NDOR1: variants seen among roughly 807,000 people sequenced by gnomAD.
The protein encoded by NDOR1 is NADPH dependent diflavin oxidoreductase 1, also known as NADPH-dependent diflavin oxidoreductase 1.
Under a neutral mutation model 67.2 loss-of-function variants are expected in NDOR1, and 61 were observed. That is an observed-to-expected ratio of 0.91 (90% confidence interval 0.74 to 1.12). NDOR1 has a LOEUF of 1.12. Among genes scored for constraint, NDOR1 ranks in the 50% most tolerant of loss-of-function variants. NDOR1 has a pLI of 0.00. For missense variants in NDOR1, 878 were observed against 802.8 expected, an observed-to-expected ratio of 1.09 and a Z score of -1.13; for synonymous variants, 378 against 343.7, an observed-to-expected ratio of 1.10 and a Z score of -1.10.
rs374198161 is a variant in NDOR1 at position 137,216,442 on chromosome 9, T to C, written c.*26T>C. The C allele has an allele frequency of 8.5e-4, 1,341 of 1,584,068 alleles. No homozygotes were observed. The highest frequency in any genetic ancestry group is 1.0e-3 in the Non-Finnish European group (1,210 of 1,168,186). ...GGCCCGCGGCTGCCCGTGCCCCCTCTGACAGCCATCCTCCTGGGAGCCCAG... is the reference window on the plus strand; with the variant it reads ...GGCCCGCGGCTGCCCGTGCCCCCTCCGACAGCCATCCTCCTGGGAGCCCAG... On this transcript the variant is annotated 3_prime_UTR_variant, in exon 14 of 14. Transcript: ENST00000684003.
intron 2 of NDOR1, among the ~76,000 whole-genome samples, chr9:137,207,542 C>G (rs1026070209): frequency 6.6e-5 from 10 of 151,900 alleles, no homozygotes; most frequent in African/African-American, 2.4e-4. Context: ...GGAAGCTCCT[C>G]TCTCCCCACA....
Position 137,211,537 on chromosome 9 carries a change from G to A in NDOR1, c.214-965G>A, listed in dbSNP as rs142451070. On this transcript the variant is annotated intron_variant, in intron 2 of 13. Coordinates refer to ENST00000684003, the MANE Select transcript of NDOR1 (RefSeq NM_014434.4). ...TGTTCTCTCCAGAACCCTTTTCTCG[G>A]GAAGGAGGAAGTTCACCAAACGGAG... Among the ~76,000 whole-genome samples the A allele has an allele frequency of 4.8e-3, 728 of 152,260 alleles. 5 individuals carry two copies. The highest frequency in any genetic ancestry group is 0.016 in the African/African-American group (669 of 41,542).
rs776353936 is a variant in NDOR1, at chr9:137,216,434, G to A, written c.*18G>A. ...GGGCCTGAGGCCCGCGGCTGCCCGT[G>A]CCCCCTCTGACAGCCATCCTCCTGG... On this transcript the variant is annotated 3_prime_UTR_variant, in exon 14 of 14. Coordinates refer to ENST00000684003, the MANE Select transcript of NDOR1 (RefSeq NM_014434.4). 3.8e-6 allele frequency: 6 copies of A among 1,589,184 alleles called. No individual in the cohort carries two copies. In the Admixed American group the frequency reaches 6.8e-5, roughly 18 times the overall value.
rs994079818 is a variant in NDOR1, at chr9:137,218,960, A to C, written c.*2544A>C. On this transcript the variant is annotated 3_prime_UTR_variant, in exon 14 of 14. Transcript: ENST00000684003. ...CTGGCCACGGGCTGACGCCGGCCAC[A>C]CTTCCCCTCCGAGGGCCAGCTGAGC... 1.6e-5 allele frequency: 4 copies of C among 248,674 alleles called. No individual in the cohort carries two copies. The Admixed American group carries it at 2.2e-4, about 14-fold the overall frequency. 15.4% of individuals were successfully genotyped at this position (248,674 alleles called of 1,614,324 possible). A position where few individuals can be genotyped will look rare whatever the true frequency, so the allele number is the denominator to read the frequency against.
rs1835706772 is a variant in NDOR1 at position 137,217,984 on chromosome 9, G to A, written c.*1568G>A. 1 of 398,868 alleles carries A rather than the reference G, an allele frequency of 2.5e-6. No individual in the cohort carries two copies. Among genetic ancestry groups the A allele is most frequent in the South Asian group, 1.3e-4 (1 of 7,872 alleles). The allele number at this position is 398,868 out of a possible 1,614,324, so 24.7% of individuals were successfully genotyped here. A position where few individuals can be genotyped will look rare whatever the true frequency, so the allele number is the denominator to read the frequency against. On this transcript the variant is annotated 3_prime_UTR_variant, in exon 14 of 14. Coordinates refer to ENST00000684003, the MANE Select transcript of NDOR1 (RefSeq NM_014434.4). ...AGACTACAGCCAGTGAGCCCCTGCTGGGGGCCAAAGCCATGGAGGGTGCCT... is the reference window on the plus strand; with the variant it reads ...AGACTACAGCCAGTGAGCCCCTGCTAGGGGCCAAAGCCATGGAGGGTGCCT...
chr9:137,216,058 C>T, intron 12 of NDOR1, 36 bp from the exon 13 acceptor site: 1 of 1,613,350 alleles, frequency 6.2e-7, no homozygotes, highest in Non-Finnish European at 8.5e-7. Context: ...GGAGGGAGCT[C>T]CGGCTCAGCC....
At chr9:137,211,082 G>A (rs917652938) in intron 2 of NDOR1, among the ~76,000 whole-genome samples, 16 of 152,120 alleles carry the variant, frequency 1.1e-4, no homozygotes, top group Non-Finnish European at 1.8e-4. Context: ...CGGAGGTTGC[G>A]GTGAGCTGAG....
In NDOR1 at chr9:137,214,690, A is replaced by G. The variant is rs751254154; in HGVS notation, c.843A>G (p.Pro281=). 5.6e-6 allele frequency: 9 copies of G among 1,602,464 alleles called. No homozygotes were observed. In the South Asian group the frequency reaches 9.9e-5, roughly 18 times the overall value. The change falls in exon 7 of 14, where the codon CCA becomes CCG. Residue 281 remains proline (P), a splice_region_variant and synonymous_variant. Transcript: ENST00000684003. The part of the protein sequence containing the change: ...DQLFMLQPRE[P]DVSSPTRLPQ... Reference sequence around the variant, plus strand: ...TCTTCATGCTGCAGCCGCGGGAGCCAGGTGAGCCCAGCCTCGGCCACCCTG... The same window carrying G: ...TCTTCATGCTGCAGCCGCGGGAGCCGGGTGAGCCCAGCCTCGGCCACCCTG...
At position 137,214,082 on chromosome 9, in the gene NDOR1, C is replaced by A; in HGVS notation, c.512+14C>A. 1 of 1,535,132 alleles carries A rather than the reference C, an allele frequency of 6.5e-7. No homozygotes were observed. ...TCCCGGAGTCCCGTGAGTGTGGGCC[C>A]CGGGTCACCCACAGGCGCAGCAGAC... On this transcript the variant is annotated intron_variant, in intron 5 of 13. Transcript: ENST00000684003.
intron 2 of NDOR1, among the ~76,000 whole-genome samples, chr9:137,209,514 G>C (rs1323747371): frequency 3.3e-5 from 5 of 152,194 alleles, no homozygotes; most frequent in Non-Finnish European, 7.3e-5. Flanking sequence ...CCACAGAGAA[G>C]ACCAGGAGTT....
At chr9:137,206,459 G>A in intron 2 of NDOR1, 150 bp downstream of exon 2, 1 of 813,144 alleles carries the variant, frequency 1.2e-6, no homozygotes, top group Admixed American at 2.1e-5. Context: ...GTGGGGCTGG[G>A]GGCTCCGGTT....
At position 137,214,539 on chromosome 9, in the gene NDOR1, C is replaced by A. The variant is rs746556804; in HGVS notation, c.723-31C>A. The A allele has an allele frequency of 8.7e-6, 14 of 1,610,466 alleles. No homozygotes were observed. In the East Asian group the frequency reaches 3.1e-4, roughly 36 times the overall value. On this transcript the variant is annotated intron_variant, in intron 6 of 13. Transcript: ENST00000684003. The stretch of plus-strand genomic sequence containing the variant: ...GGCCCCGACATCCTCCCTGCGGCGT[C>A]CCCACAGCCCTGGTGGCTTCTTCCA...
In NDOR1 at chr9:137,214,325, C is replaced by T. The variant is rs760537913; in HGVS notation, c.634C>T (p.Pro212Ser). Reference protein sequence around the residue: ...PPSESKPFLAPMISNQRVTGP... With the variant: ...PPSESKPFLASMISNQRVTGP... Reference sequence around the variant, plus strand: ...GTCAGAGTCGAAGCCCTTCCTAGCACCCATGATCTCCAACCAGAGAGTCAC... The same window carrying T: ...GTCAGAGTCGAAGCCCTTCCTAGCATCCATGATCTCCAACCAGAGAGTCAC... The change falls in exon 6 of 14, where the codon CCC (proline) becomes TCC (serine). Residue 212 changes from proline to serine, a missense_variant. By Grantham distance (74) the Pro-to-Ser change is moderately conservative. Transcript: ENST00000684003. The T allele has an allele frequency of 2.8e-5, 45 of 1,614,186 alleles. No individual in the cohort carries two copies. The highest frequency in any genetic ancestry group is 3.7e-5 in the Non-Finnish European group (44 of 1,180,044).
At chr9:137,215,844 G>C (rs762856132) in intron 11 of NDOR1, 39 bp downstream of exon 11, 1 of 1,608,362 alleles carries the variant, frequency 6.2e-7, no homozygotes, top group Admixed American at 1.7e-5. Context: ...TGTTGCCAGG[G>C]CTCCCCAGCT....
At position 137,218,428 on chromosome 9, in the gene NDOR1, C is replaced by T. The variant is rs1835735817; in HGVS notation, c.*2012C>T. 7 of 398,474 alleles carry T rather than the reference C, an allele frequency of 1.8e-5. No homozygotes were observed. The highest frequency in any genetic ancestry group is 1.8e-5 in the Non-Finnish European group (4 of 226,044). 24.7% of individuals were successfully genotyped at this position (398,474 alleles called of 1,614,324 possible). A position where few individuals can be genotyped will look rare whatever the true frequency, so the allele number is the denominator to read the frequency against. On this transcript the variant is annotated 3_prime_UTR_variant, in exon 14 of 14. Transcript: ENST00000684003. ...GCCGGGGCTGCCTGCCCTTCCTGCC[C>T]TGTCCACCCTGCCTGGGTGCCCGGC...
At chr9:137,209,886 G>A (rs2131367343) in intron 2 of NDOR1, among the ~76,000 whole-genome samples, 1 of 152,378 alleles carries the variant, frequency 6.6e-6, no homozygotes, top group South Asian at 2.1e-4. Context: ...GAGGTCAGGA[G>A]TTTGAGACCA....
chr9:137,215,396 GTCCT>G lies in NDOR1; in HGVS notation c.1174-10_1174-7del. On this transcript the variant is annotated splice_region_variant and splice_polypyrimidine_tract_variant and intron_variant, in intron 9 of 13. Transcript: ENST00000684003. ...CTTGTTCCACCACCCCCACCCCGCC[GTCCT>G]CCCCAGACTCACCCCTCACGGCTGC... 7.2e-6 allele frequency: 6 copies of G among 836,532 alleles called. No homozygotes were observed. The highest frequency in any genetic ancestry group is 9.5e-6 in the Non-Finnish European group (5 of 526,654). The allele number at this position is 836,532 out of a possible 1,614,324, so 51.8% of individuals were successfully genotyped here.
chr9:137,212,617 C>T lies in NDOR1; in HGVS notation c.311+18C>T, dbSNP rs374638174. 8 of 1,601,186 alleles carry T rather than the reference C, an allele frequency of 5.0e-6. No homozygotes were observed. Among genetic ancestry groups the T allele is most frequent in the Non-Finnish European group, 6.8e-6 (8 of 1,168,414 alleles). On this transcript the variant is annotated intron_variant, in intron 3 of 13. Transcript: ENST00000684003. The surrounding 1 kb of genome is among the most constrained non-coding windows in gnomAD (Gnocchi z 4.3). ...TACGCCAAGTGAGTAGGGGATGGGA[C>T]AGTGGGCGGACGGAACAGTTCTGGG...
rs1022727363 is a variant in NDOR1 at position 137,212,398 on chromosome 9, C to T, written c.214-104C>T. ...GATAGGTCCAGTTGTATTCTGCCCC[C>T]ATCCTACCCACCTGCCTGTTCCCCT... On this transcript the variant is annotated intron_variant, in intron 2 of 13. Coordinates refer to ENST00000684003, the MANE Select transcript of NDOR1 (RefSeq NM_014434.4). This position sits in a 1 kb window ranked among gnomAD's most constrained non-coding sequence, Gnocchi z 4.3. 67 of 975,770 alleles carry T rather than the reference C, an allele frequency of 6.9e-5. No homozygotes were observed. In the South Asian group the frequency reaches 8.7e-4, roughly 13 times the overall value. 60.4% of individuals were successfully genotyped at this position (975,770 alleles called of 1,614,324 possible).
Sources: gnomAD v4.1 joint callset for allele counts (sites outside exome capture counted in the v4.1 genomes callset) on GRCh38, gnomAD v4.1.1 for gene constraint, Gnocchi (gnomAD v3.1) non-coding constraint, MANE v1.5 for transcripts, NCBI Gene and HGNC (gene_info 2026-07-23, HGNC 2026-07-21) for gene names.